GSE1: variants seen among roughly 807,000 people sequenced by gnomAD.
GSE1 encodes genetic suppressor element 1.
In GSE1, 32 loss-of-function variants were observed where a neutral mutation model predicts 112.6. The ratio of observed to expected loss-of-function variants is 0.28; its 90% CI spans 0.21 to 0.38. The LOEUF is 0.38. Ranked by LOEUF, GSE1 falls within the 10% of genes least tolerant of loss-of-function variation. The probability of loss-of-function intolerance (pLI) is 1.00; values close to 1 mark genes in which losing one functional copy is unlikely to be tolerated. For missense variants in GSE1, 2,348 were observed against 1,699.2 expected (o/e 1.38, Z -6.71); for synonymous variants, 1,115 against 735.6 (o/e 1.52, Z -8.35).
rs1181574598 is a variant in GSE1 at position 85,311,462 on chromosome 16, G to A, written c.2284-46001G>A. Reference sequence around the variant, plus strand: ...ACAAGAGAGCTGCTGGGGACAGGACGTGGGCGGAGCCCTCGGCTGCCTCCC... The same window carrying A: ...ACAAGAGAGCTGCTGGGGACAGGACATGGGCGGAGCCCTCGGCTGCCTCCC... On this transcript the variant is annotated intron_variant, in intron 1 of 2. Transcript: ENST00000637419. The surrounding 1 kb of genome is among the most constrained non-coding windows in gnomAD (Gnocchi z 4.2). Among the ~76,000 whole-genome samples, 3 of 152,114 alleles carry A rather than the reference G, an allele frequency of 2.0e-5. No individual in the cohort carries two copies. Among genetic ancestry groups the A allele is most frequent in the Admixed American group, 2.0e-4 (3 of 15,286 alleles).
At chr16:85,458,517 C>T (rs539019016) in intron 2 of GSE1, among the ~76,000 whole-genome samples, 1 of 152,330 alleles carries the variant, frequency 6.6e-6, no homozygotes, top group African/African-American at 2.4e-5. Context: ...CCAGGATGCC[C>T]AGATGGAGAG....
intron 2 of GSE1, among the ~76,000 whole-genome samples, chr16:85,422,170 C>T (rs1225318070): frequency 6.6e-6 from 1 of 152,190 alleles, no homozygotes; most frequent in African/African-American, 2.4e-5. Context: ...CCCCCTCCTC[C>T]CCTGGTCCCT....
chr16:85,354,792 G>A (rs2046918235), intron 1 of GSE1, among the ~76,000 whole-genome samples: 1 of 152,260 alleles, frequency 6.6e-6, no homozygotes, highest in Admixed American at 6.5e-5. Flanking sequence ...CTGCATCATG[G>A]ACACAGTAGC....
chr16:85,195,875 C>T (rs929987526), intron 1 of GSE1, among the ~76,000 whole-genome samples: 1 of 152,170 alleles, frequency 6.6e-6, no homozygotes, highest in East Asian at 1.9e-4. Flanking sequence ...GCTCCTGTTC[C>T]CATCACTTCT....
intron 1 of GSE1, among the ~76,000 whole-genome samples, chr16:85,309,410 C>G (rs930582245): frequency 4.6e-5 from 7 of 152,116 alleles, no homozygotes; most frequent in Non-Finnish European, 8.8e-5. Context: ...AGGAGGATCG[C>G]TTGAACCCAG....
chr16:85,551,532 GC>G (rs1489174729), upstream of GSE1, among the ~76,000 whole-genome samples: 1 of 152,256 alleles, frequency 6.6e-6, no homozygotes, highest in Non-Finnish European at 1.5e-5. Context: ...AAACAACCGG[GC>G]CGTTCAATGG....
At chr16:85,670,962 C>T (rs757795831) in intron 14 of GSE1, 33 bp from the exon 15 acceptor site, 9 of 1,384,168 alleles carry the variant, frequency 6.5e-6, no homozygotes, top group South Asian at 1.2e-5. Flanking sequence ...CTCCTGCATA[C>T]GGAAAATACA....
intron 1 of GSE1, among the ~76,000 whole-genome samples, chr16:85,565,987 G>A (rs578098046): frequency 1.5e-4 from 23 of 152,310 alleles, no homozygotes; most frequent in Non-Finnish European, 2.8e-4. Context: ...TACTGGCTGT[G>A]TGACTCTGGG....
chr16:85,263,435 C>T (rs1474165993), intron 1 of GSE1, among the ~76,000 whole-genome samples: 1 of 152,100 alleles, frequency 6.6e-6, no homozygotes, highest in Non-Finnish European at 1.5e-5. Context: ...TTGGTATTTG[C>T]GCTGCTGGCC....
intron 1 of GSE1, among the ~76,000 whole-genome samples, chr16:85,276,753 G>A (rs1447239651): frequency 1.3e-5 from 2 of 152,172 alleles, no homozygotes; most frequent in Non-Finnish European, 2.9e-5. Context: ...GACCTCGCTC[G>A]TGGCCCAGCA....
At chr16:85,294,971 G>A (rs1458279216) in intron 1 of GSE1, among the ~76,000 whole-genome samples, 3 of 151,636 alleles carry the variant, frequency 2.0e-5, no homozygotes, top group Admixed American at 6.6e-5. Flanking sequence ...GGCTGGTCTC[G>A]AACGTCTCAC....
chr16:85,662,084 T>C (rs577807915), intron 9 of GSE1, among the ~76,000 whole-genome samples: 5 of 152,242 alleles, frequency 3.3e-5, no homozygotes, highest in East Asian at 1.9e-4. Flanking sequence ...TAGTTTTAAA[T>C]ATTAATAGTG....
intron 1 of GSE1, among the ~76,000 whole-genome samples, chr16:85,574,592 C>G (rs1190689493): frequency 1.3e-5 from 2 of 152,216 alleles, no homozygotes; most frequent in Non-Finnish European, 2.9e-5. Context: ...CTTTCTGGGC[C>G]TAGGTCATTC....
intron 14 of GSE1, among the ~76,000 whole-genome samples, chr16:85,670,004 C>T (rs1217876721): frequency 6.6e-6 from 1 of 152,254 alleles, no homozygotes; most frequent in Non-Finnish European, 1.5e-5. Flanking sequence ...GCCTTATATT[C>T]ACCCCAAAGA....
intron 2 of GSE1, among the ~76,000 whole-genome samples, chr16:85,420,967 C>G (rs2048829275): frequency 6.6e-6 from 1 of 152,228 alleles, no homozygotes; most frequent in Non-Finnish European, 1.5e-5. Flanking sequence ...GCTGCAGCGT[C>G]TGCGCCGCCA....
chr16:85,365,588 G>A (rs1032702819), intron 2 of GSE1, among the ~76,000 whole-genome samples: 1 of 152,210 alleles, frequency 6.6e-6, no homozygotes, highest in Admixed American at 6.5e-5. Flanking sequence ...ACCACATTCA[G>A]TAGATGGAAC....
intron 2 of GSE1, among the ~76,000 whole-genome samples, chr16:85,637,908 G>A (rs1342831215): frequency 3.9e-5 from 6 of 152,172 alleles, no homozygotes; most frequent in Admixed American, 6.5e-5. Context: ...GCGACGGCAC[G>A]TCCTGGGCAG....
chr16:85,441,367 G>T (rs577422757), intron 2 of GSE1, among the ~76,000 whole-genome samples: 1 of 152,158 alleles, frequency 6.6e-6, no homozygotes. Flanking sequence ...ACAAAACAGG[G>T]GACGTGGTCT....
At chr16:85,449,474 G>A (rs1401539733) in intron 2 of GSE1, among the ~76,000 whole-genome samples, 1 of 152,270 alleles carries the variant, frequency 6.6e-6, no homozygotes, top group Non-Finnish European at 1.5e-5. Flanking sequence ...GGCCCTGTCT[G>A]GCCACCTTTG....
Sources: gnomAD v4.1 joint callset for allele counts (sites outside exome capture counted in the v4.1 genomes callset) on GRCh38, gnomAD v4.1.1 for gene constraint, Gnocchi (gnomAD v3.1) non-coding constraint, MANE v1.5 for transcripts, NCBI Gene and HGNC (gene_info 2026-07-23, HGNC 2026-07-21) for gene names.